B4GALT6: variants seen among roughly 807,000 people sequenced by gnomAD.
The protein encoded by B4GALT6 is UDP-Gal:beta-GlcNAc beta-1,4-galactosyltransferase 6.
Under a neutral mutation model 46.3 loss-of-function variants are expected in B4GALT6, and 14 were observed. The ratio of observed to expected loss-of-function variants is 0.30; its 90% CI spans 0.20 to 0.47. B4GALT6 has a LOEUF of 0.47. B4GALT6 is among the 20% of genes least tolerant of loss of function. B4GALT6 has a pLI of 0.99. For missense variants in B4GALT6, 386 were observed against 480.1 expected (o/e 0.80, Z 1.83); for synonymous variants, 168 against 162.0 (o/e 1.04, Z -0.28).
chr18:31,667,071 T>C (rs1295188012), intron 1 of B4GALT6, among the ~76,000 whole-genome samples: 1 of 152,200 alleles, frequency 6.6e-6, no homozygotes, highest in Non-Finnish European at 1.5e-5. Context: ...TGGGAGAAAC[T>C]GGTAAATTGA....
At chr18:31,652,049 C>CGT (rs914139902) in intron 3 of B4GALT6, among the ~76,000 whole-genome samples, 5 of 152,124 alleles carry the variant, frequency 3.3e-5, no homozygotes, top group African/African-American at 1.2e-4. Flanking sequence ...GGATTACAGG[C>CGT]GTGAGCCACG....
chr18:31,696,112 G>T, the B4GALT6 span, among the ~76,000 whole-genome samples: 1 of 152,174 alleles, frequency 6.6e-6, no homozygotes, highest in African/African-American at 2.4e-5. Flanking sequence ...AAAAGCTGAT[G>T]CAAAGAGAAG....
chr18:31,648,067 T>C (rs1024399832), intron 3 of B4GALT6, among the ~76,000 whole-genome samples: 1 of 152,138 alleles, frequency 6.6e-6, no homozygotes, highest in Non-Finnish European at 1.5e-5. Flanking sequence ...AAGGACACCA[T>C]CAACTGGGCC....
chr18:31,665,191 CTTTATT>C (rs1262892313), intron 2 of B4GALT6, among the ~76,000 whole-genome samples: 2 of 152,148 alleles, frequency 1.3e-5, no homozygotes, highest in South Asian at 2.1e-4. Context: ...CAAATTAAAT[CTTTATT>C]TTTAACTGTT....
upstream of B4GALT6, among the ~76,000 whole-genome samples, chr18:31,685,097 GGCCCCGGCGCCCCGC>G (rs2074530656): frequency 6.8e-6 from 1 of 146,316 alleles, no homozygotes; most frequent in Non-Finnish European, 1.5e-5. Context: ...TGCCGCGCCG[GGCCCCGGCGCCCCGC>G]GGCCGCCGCG....
the B4GALT6 span, among the ~76,000 whole-genome samples, chr18:31,698,770 A>G: frequency 3.3e-5 from 5 of 152,138 alleles, no homozygotes; most frequent in Non-Finnish European, 5.9e-5. Flanking sequence ...AGGTCAGCTC[A>G]TTAAAAAGAA....
At chr18:31,654,432 TAACA>T (rs2074114030) in intron 3 of B4GALT6, among the ~76,000 whole-genome samples, 1 of 152,206 alleles carries the variant, frequency 6.6e-6, no homozygotes, top group Non-Finnish European at 1.5e-5. Flanking sequence ...CTATAAATAC[TAACA>T]AACAAGAAAG....
rs539846630 is a variant in B4GALT6, at chr18:31,683,351, T to C, written c.115+961A>G. On this transcript the variant is annotated intron_variant, in intron 1 of 8. Transcript: ENST00000306851. ...AGAGCACTGGCTCAAACGACCACAG[T>C]GTGTAAGGAGAAATGAGAGGAGATG... Among the ~76,000 whole-genome samples, 9 of 152,314 alleles carry C rather than the reference T, an allele frequency of 5.9e-5. No individual in the cohort carries two copies. In the Middle Eastern group the frequency reaches 0.014, roughly 230 times the overall value.
Position 31,631,104 on chromosome 18 carries a change from C to T in B4GALT6, c.631G>A (p.Gly211Ser). Residue 211 changes from glycine to serine, a missense_variant, in exon 6 of 9, where the codon GGC becomes AGC. By Grantham distance (56) the Gly-to-Ser change is moderately conservative (BLOSUM62 0). Around this residue, in one of 2 missense-constraint regions of B4GALT6, gnomAD observed 323 missense variants for 438.9 expected, o/e 0.74. Transcript: ENST00000306851. The part of the protein sequence containing the change: ...PFNRAMLFNV[G>S]FKEAMKDSVW... Reference sequence around the variant, plus strand: ...CTGTCTTTCATGGCCTCTTTGAAGCCCACATTGAAAAGCATCGCACGGTTA... The same window carrying T: ...CTGTCTTTCATGGCCTCTTTGAAGCTCACATTGAAAAGCATCGCACGGTTA... 1 of 1,614,008 alleles carries T rather than the reference C, an allele frequency of 6.2e-7. No homozygotes were observed. The highest frequency in any genetic ancestry group is 2.2e-5 in the East Asian group (1 of 44,880).
chr18:31,670,056 T>TC (rs2074332295), intron 1 of B4GALT6, among the ~76,000 whole-genome samples: 1 of 151,854 alleles, frequency 6.6e-6, no homozygotes, highest in African/African-American at 2.4e-5. Flanking sequence ...AAAATGATGA[T>TC]CTTTTTTTTT....
chr18:31,684,643 G>A (rs1431456538), upstream of B4GALT6: 13 of 1,188,792 alleles, frequency 1.1e-5, no homozygotes, highest in East Asian at 3.6e-4. Flanking sequence ...GGGAGGCGCG[G>A]AGGCCGAGGG....
intron 4 of B4GALT6, 59 bp downstream of exon 4, chr18:31,645,296 C>T: frequency 1.3e-6 from 2 of 1,597,556 alleles, no homozygotes; most frequent in Non-Finnish European, 1.7e-6. Context: ...GAATCAAGCA[C>T]ATTCTTTCCT....
the B4GALT6 span, among the ~76,000 whole-genome samples, chr18:31,700,827 A>G: frequency 2.2e-4 from 33 of 152,060 alleles, no homozygotes; most frequent in Admixed American, 3.9e-4. Flanking sequence ...GCCTGTATCA[A>G]CCTGGATCTC....
the B4GALT6 span, among the ~76,000 whole-genome samples, chr18:31,709,434 C>CATATATAT: frequency 0.011 from 1,474 of 130,918 alleles, 18 homozygotes; most frequent in African/African-American, 0.014. Context: ...GCAATTCATA[C>CATATATAT]ATATATATAT....
chr18:31,651,589 C>T (rs753875998), intron 3 of B4GALT6, among the ~76,000 whole-genome samples: 3 of 152,108 alleles, frequency 2.0e-5, no homozygotes, highest in Non-Finnish European at 2.9e-5. Flanking sequence ...ACAGCAGGCA[C>T]GAGCACCCTA....
At chr18:31,703,026 T>C in the B4GALT6 span, among the ~76,000 whole-genome samples, 1 of 152,254 alleles carries the variant, frequency 6.6e-6, no homozygotes, top group Non-Finnish European at 1.5e-5. Context: ...AATCACACTT[T>C]CTCTGCATTC....
the B4GALT6 span, among the ~76,000 whole-genome samples, chr18:31,715,772 C>T: frequency 1.3e-5 from 2 of 151,676 alleles, no homozygotes; most frequent in Non-Finnish European, 2.9e-5. Context: ...TGGTCTTGAA[C>T]TCCTGACCTC....
chr18:31,668,361 T>C, intron 1 of B4GALT6, among the ~76,000 whole-genome samples: 1 of 152,196 alleles, frequency 6.6e-6, no homozygotes, highest in East Asian at 1.9e-4. Context: ...TTGGGTACTA[T>C]GCTCACTACC....
At chr18:31,724,613 G>C in the B4GALT6 span, 2 of 1,060,780 alleles carry the variant, frequency 1.9e-6, no homozygotes, top group African/African-American at 3.4e-5. Context: ...CCCGGGGCCA[G>C]AGCAGTTCGC....
Sources: allele counts gnomAD v4.1 joint callset (sites outside exome capture counted in the v4.1 genomes callset), GRCh38; gene constraint gnomAD v4.1.1; regional missense constraint gnomAD v4.1.1; transcripts MANE v1.5; gene names NCBI Gene and HGNC (gene_info 2026-07-23, HGNC 2026-07-21).